Variants in ESRRG observed in about 807,000 individuals in gnomAD.
The protein encoded by ESRRG is estrogen-related receptor gamma.
In ESRRG, 13 loss-of-function variants were observed where a neutral mutation model predicts 44.0. That is an observed-to-expected ratio of 0.30 (90% CI 0.19 to 0.47). ESRRG has a LOEUF of 0.47. Ranked by LOEUF, ESRRG falls within the 20% of genes least tolerant of loss-of-function variation. The pLI, the probability that ESRRG is intolerant of heterozygous loss-of-function variation, is 1.00. For synonymous variants in ESRRG, 215 were observed against 214.6 expected, an observed-to-expected ratio of 1.00 and a Z score of -0.02; for missense variants, 395 against 580.6, an observed-to-expected ratio of 0.68 and a Z score of 3.29.
At chr1:216,598,280 G>A (rs1186297918) in intron 3 of ESRRG, among the ~76,000 whole-genome samples, 1 of 152,168 alleles carries the variant, frequency 6.6e-6, no homozygotes, top group East Asian at 1.9e-4. Context: ...CTAAATTTAA[G>A]CTCTAAGCAG....
intron 2 of ESRRG, among the ~76,000 whole-genome samples, chr1:216,674,615 C>CTTTTTTT (rs5780904): frequency 7.8e-6 from 1 of 127,936 alleles, no homozygotes; most frequent in Non-Finnish European, 1.6e-5. Context: ...TTTGGGTAAA[C>CTTTTTTT]TTTTTTTTTT....
At chr1:217,117,976 TC>T (rs1420320687) in intron 1 of ESRRG, among the ~76,000 whole-genome samples, 1 of 152,232 alleles carries the variant, frequency 6.6e-6, no homozygotes, top group Non-Finnish European at 1.5e-5. Context: ...CAAAAATTCA[TC>T]TTTGTCACCA....
intron 1 of ESRRG, among the ~76,000 whole-genome samples, chr1:216,945,158 A>AC (rs2065865155): frequency 6.6e-6 from 1 of 152,088 alleles, no homozygotes; most frequent in African/African-American, 2.4e-5. Flanking sequence ...AAATGAAAGC[A>AC]CCCTCTGCTC....
At chr1:216,695,794 T>C (rs960101142) in intron 1 of ESRRG, among the ~76,000 whole-genome samples, 2 of 152,164 alleles carry the variant, frequency 1.3e-5, no homozygotes, top group African/African-American at 2.4e-5. Flanking sequence ...CTAGATACCA[T>C]GAAGTCAAGA....
intron 2 of ESRRG, among the ~76,000 whole-genome samples, chr1:216,661,307 T>C (rs1445689458): frequency 6.6e-6 from 1 of 152,210 alleles, no homozygotes; most frequent in Non-Finnish European, 1.5e-5. Context: ...CTGAGCTGAC[T>C]ATAACCTCCA....
At chr1:216,968,624 C>T (rs1307345287) in intron 1 of ESRRG, among the ~76,000 whole-genome samples, 1 of 150,820 alleles carries the variant, frequency 6.6e-6, no homozygotes, top group Non-Finnish European at 1.5e-5. Context: ...ACCACACTGT[C>T]TTGATTACTG....
intron 1 of ESRRG, among the ~76,000 whole-genome samples, chr1:216,959,056 C>T (rs1327765019): frequency 6.6e-6 from 1 of 151,988 alleles, no homozygotes; most frequent in Non-Finnish European, 1.5e-5. Flanking sequence ...CTCTCTTTCC[C>T]TCCCTTTTGC....
chr1:216,796,121 C>T (rs1329573518), intron 2 of ESRRG, among the ~76,000 whole-genome samples: 1 of 152,144 alleles, frequency 6.6e-6, no homozygotes, highest in Non-Finnish European at 1.5e-5. Context: ...TTCTTCCTCC[C>T]TATTTTCTCT....
At chr1:216,632,384 A>G (rs1334177273) in intron 3 of ESRRG, among the ~76,000 whole-genome samples, 2 of 152,168 alleles carry the variant, frequency 1.3e-5, no homozygotes, top group Non-Finnish European at 2.9e-5. Flanking sequence ...CATTCTTCCA[A>G]TTTCAAGTAA....
intron 3 of ESRRG, among the ~76,000 whole-genome samples, chr1:216,640,626 T>G (rs936287016): frequency 4.6e-5 from 7 of 151,976 alleles, no homozygotes; most frequent in Non-Finnish European, 1.0e-4. Context: ...ACCTGATATA[T>G]TAGTAGGTGG....
Position 216,506,650 on chromosome 1 carries a change from A to G in ESRRG, c.*289T>C, listed in dbSNP as rs1181305675. On this transcript the variant is annotated 3_prime_UTR_variant, in exon 7 of 7. Transcript: ENST00000408911. ...AAATAAAGGAGAATGGGAACTAGGA[A>G]TGAAAGAAGCAAAGAAATAAGGGAG... 1.9e-6 allele frequency: 1 copy of G among 524,028 alleles called. No individual in the cohort carries two copies. Among genetic ancestry groups the G allele is most frequent in the African/African-American group, 1.9e-5 (1 of 52,416 alleles). The allele number at this position is 524,028 out of a possible 1,614,324, so 32.5% of individuals were successfully genotyped here. A position where few individuals can be genotyped will look rare whatever the true frequency, so the allele number is the denominator to read the frequency against.
chr1:216,518,342 G>A (rs568105812), intron 6 of ESRRG, among the ~76,000 whole-genome samples: 4 of 152,178 alleles, frequency 2.6e-5, no homozygotes, highest in Admixed American at 1.3e-4. Context: ...CTACTGGCCG[G>A]CAACCAAGAT....
At chr1:216,601,236 G>C (rs1573892772) in intron 3 of ESRRG, among the ~76,000 whole-genome samples, 1 of 152,024 alleles carries the variant, frequency 6.6e-6, no homozygotes. Flanking sequence ...CCCCGTGAAG[G>C]ACACCCGGCC....
At chr1:216,868,368 T>A (rs939283027) in intron 2 of ESRRG, among the ~76,000 whole-genome samples, 1 of 152,092 alleles carries the variant, frequency 6.6e-6, no homozygotes, top group African/African-American at 2.4e-5. Context: ...GATTACGGGA[T>A]CCTGTGTGCC....
At chr1:216,907,501 T>C (rs1294558250) in intron 2 of ESRRG, among the ~76,000 whole-genome samples, 2 of 152,194 alleles carry the variant, frequency 1.3e-5, no homozygotes, top group Non-Finnish European at 2.9e-5. Context: ...TTTGTGAGCC[T>C]ACTTCAAAAT....
intron 1 of ESRRG, among the ~76,000 whole-genome samples, chr1:217,110,533 T>C (rs567307210): frequency 6.6e-6 from 1 of 152,280 alleles, no homozygotes; most frequent in East Asian, 1.9e-4. Context: ...TGGAAGCATG[T>C]TGGCATCTTC....
intron 4 of ESRRG, among the ~76,000 whole-genome samples, chr1:216,564,931 T>C (rs1237668830): frequency 6.6e-6 from 1 of 152,106 alleles, no homozygotes. Flanking sequence ...TAACTCTATC[T>C]CCGTGGGATG....
At chr1:217,132,306 C>T (rs1160909761) in intron 1 of ESRRG, among the ~76,000 whole-genome samples, 4 of 152,052 alleles carry the variant, frequency 2.6e-5, no homozygotes, top group East Asian at 1.9e-4. Context: ...CAATTAATTC[C>T]GTATTCTAGT....
chr1:216,932,719 GTTTTTTTTTTT>G (rs397860904), intron 2 of ESRRG, among the ~76,000 whole-genome samples: 5 of 70,302 alleles, frequency 7.1e-5, no homozygotes, highest in Non-Finnish European at 1.3e-4. Flanking sequence ...CACCAAACTT[GTTTTTTTTTTT>G]TTTTTTTTTT....
Sources: allele counts gnomAD v4.1 joint callset (sites outside exome capture counted in the v4.1 genomes callset), GRCh38; gene constraint gnomAD v4.1.1; transcripts MANE v1.5; gene names NCBI Gene and HGNC (gene_info 2026-07-23, HGNC 2026-07-21).